ATG7: variants seen among roughly 807,000 people sequenced by gnomAD.
ATG7 encodes the protein autophagy related 7, also known as ubiquitin-like modifier-activating enzyme ATG7.
Under a neutral mutation model 82.4 loss-of-function variants are expected in ATG7, and 70 were observed. The ratio of observed to expected loss-of-function variants is 0.85; its 90% confidence interval spans 0.70 to 1.04. ATG7 has a LOEUF of 1.04. ATG7 is among the 50% of genes least tolerant of loss of function. The probability of loss-of-function intolerance (pLI) is 0.00; values close to 1 mark genes in which losing one functional copy is unlikely to be tolerated. For synonymous variants in ATG7, 287 were observed against 313.0 expected (o/e 0.92, Z 0.88); for missense variants, 792 against 864.3 (o/e 0.92, Z 1.05).
At chr3:11,408,807 A>T (rs1323446667) in intron 19 of ATG7, among the ~76,000 whole-genome samples, 1 of 152,152 alleles carries the variant, frequency 6.6e-6, no homozygotes, top group Non-Finnish European at 1.5e-5. Context: ...CCCATAACAC[A>T]TTGGAATTAT....
At chr3:11,452,079 T>C (rs1457086354) in intron 20 of ATG7, among the ~76,000 whole-genome samples, 1 of 152,126 alleles carries the variant, frequency 6.6e-6, no homozygotes, top group East Asian at 1.9e-4. Flanking sequence ...GGGCTTCTTT[T>C]TGGGATAATG....
chr3:11,533,597 AATCTTCTCTGAAATGACG>A (rs1394667952), intron 20 of ATG7, among the ~76,000 whole-genome samples: 5 of 151,642 alleles, frequency 3.3e-5, no homozygotes, highest in Non-Finnish European at 2.9e-5. Flanking sequence ...TCTTCTCTGA[AATCTTCTCTGAAATGACG>A]AAAAACTCAT....
chr3:11,431,497 A>C (rs2082886078), intron 20 of ATG7, among the ~76,000 whole-genome samples: 1 of 152,096 alleles, frequency 6.6e-6, no homozygotes, highest in South Asian at 2.1e-4. Context: ...CTGTTTAGAA[A>C]ATTTTCATCC....
At chr3:11,510,159 A>G (rs760985191) in intron 20 of ATG7, 3 of 453,132 alleles carry the variant, frequency 6.6e-6, no homozygotes, top group South Asian at 4.7e-5. Flanking sequence ...AGTTGCCTGA[A>G]ATCATATATC....
intron 20 of ATG7, among the ~76,000 whole-genome samples, chr3:11,519,123 GTTA>G (rs2092365085): frequency 6.6e-6 from 1 of 152,084 alleles, no homozygotes; most frequent in South Asian, 2.1e-4. Context: ...CCAGTGAGCT[GTTA>G]TTATTTGAAA....
chr3:11,509,136 G>GT (rs1249848236), intron 20 of ATG7, among the ~76,000 whole-genome samples: 4 of 151,712 alleles, frequency 2.6e-5, no homozygotes, highest in East Asian at 3.9e-4. Context: ...TCATGGGTTG[G>GT]TTTTTTTTCT....
chr3:11,492,754 C>G (rs1468719975), intron 20 of ATG7, among the ~76,000 whole-genome samples: 1 of 152,082 alleles, frequency 6.6e-6, no homozygotes, highest in Non-Finnish European at 1.5e-5. Flanking sequence ...CTCTTGTTTG[C>G]TCAGGCCCAT....
intron 9 of ATG7, among the ~76,000 whole-genome samples, chr3:11,321,462 T>G (rs1950214696): frequency 6.6e-6 from 1 of 152,176 alleles, no homozygotes; most frequent in Non-Finnish European, 1.5e-5. Context: ...ATGTTATCAC[T>G]TATCCTTACA....
chr3:11,350,253 C>G (rs1452249325), intron 14 of ATG7, among the ~76,000 whole-genome samples: 1 of 152,180 alleles, frequency 6.6e-6, no homozygotes, highest in Non-Finnish European at 1.5e-5. Context: ...GTGTAGCCAG[C>G]TATGTGCTAA....
chr3:11,441,671 T>A (rs202080204), intron 20 of ATG7, among the ~76,000 whole-genome samples: 1 of 90,040 alleles, frequency 1.1e-5, no homozygotes, highest in East Asian at 4.0e-4. Context: ...TTTTTTTTAA[T>A]TTTTTTTTTT....
At chr3:11,348,900 C>T (rs1392194024) in intron 14 of ATG7, among the ~76,000 whole-genome samples, 3 of 152,134 alleles carry the variant, frequency 2.0e-5, no homozygotes, top group African/African-American at 4.8e-5. Context: ...TTTAGCTAGA[C>T]ATAGAGCGCT....
At position 11,394,486 on chromosome 3, in the gene ATG7, G is replaced by A. The variant is rs539792055; in HGVS notation, c.1956+14434G>A. Among the ~76,000 whole-genome samples, 5 of 152,274 alleles carry A rather than the reference G, an allele frequency of 3.3e-5. No homozygotes were observed. In the South Asian group the frequency reaches 1.0e-3, roughly 32 times the overall value. ...AGCCGTAGTATTAGGGCAATTTTTT[G>A]TTTTATGGCCATTTGCTGATCAGGA... On this transcript the variant is annotated intron_variant, in intron 19 of 20. Coordinates refer to ENST00000693202, the MANE Select transcript of ATG7 (RefSeq NM_001349232.2).
chr3:11,570,894 G>GA, the ATG7 span, among the ~76,000 whole-genome samples: 1 of 152,182 alleles, frequency 6.6e-6, no homozygotes, highest in Non-Finnish European at 1.5e-5. Flanking sequence ...TTGTGAGTGG[G>GA]AGAATTCACT....
intron 19 of ATG7, among the ~76,000 whole-genome samples, chr3:11,421,084 C>A (rs1225032002): frequency 1.3e-5 from 2 of 152,094 alleles, no homozygotes; most frequent in Non-Finnish European, 2.9e-5. Context: ...CTAAAAAATG[C>A]TAACAATATT....
intron 20 of ATG7, among the ~76,000 whole-genome samples, chr3:11,460,474 A>C (rs1057246217): frequency 3.9e-5 from 6 of 152,204 alleles, no homozygotes; most frequent in African/African-American, 1.4e-4. Flanking sequence ...TGGGCAAGGG[A>C]GAGGGTAGCA....
intron 19 of ATG7, among the ~76,000 whole-genome samples, chr3:11,382,855 A>G (rs1480660785): frequency 6.6e-6 from 1 of 152,228 alleles, no homozygotes; most frequent in African/African-American, 2.4e-5. Context: ...GAACTCCGGT[A>G]TACACTTTAC....
intron 3 of ATG7, among the ~76,000 whole-genome samples, chr3:11,282,814 A>AAAT (rs1943289454): frequency 1.3e-5 from 2 of 152,150 alleles, no homozygotes; most frequent in Non-Finnish European, 2.9e-5. Context: ...TTTGTCTATA[A>AAAT]AATGTGCATT....
intron 8 of ATG7, among the ~76,000 whole-genome samples, chr3:11,314,299 A>G (rs1187928191): frequency 3.3e-5 from 5 of 152,230 alleles, no homozygotes; most frequent in African/African-American, 9.6e-5. Context: ...ATTATGTGTC[A>G]AGATGATTTG....
chr3:11,523,941 G>A (rs2092507617), intron 20 of ATG7, among the ~76,000 whole-genome samples: 1 of 152,160 alleles, frequency 6.6e-6, no homozygotes, highest in African/African-American at 2.4e-5. Context: ...CCCAGCCCCA[G>A]CGCCCACCCC....
Sources: allele counts gnomAD v4.1 joint callset (sites outside exome capture counted in the v4.1 genomes callset), GRCh38; gene constraint gnomAD v4.1.1; transcripts MANE v1.5; gene names NCBI Gene and HGNC (gene_info 2026-07-23, HGNC 2026-07-21).